Variants in COL21A1 observed in about 807,000 individuals in gnomAD.
The protein encoded by COL21A1 is collagen type XXI alpha 1 chain, also known as collagen alpha-1(XXI) chain.
COL21A1 carries 149 observed loss-of-function variants against 137.9 expected under a neutral mutation model. That is an observed-to-expected ratio of 1.08 (90% CI 0.95 to 1.24). COL21A1 has a LOEUF of 1.24. Among genes scored for constraint, COL21A1 ranks in the 50% most tolerant of loss-of-function variants. The pLI is 0.00. For missense variants in COL21A1, 1,167 were observed against 1,158.4 expected, an observed-to-expected ratio of 1.01 and a Z score of -0.11; for synonymous variants, 456 against 391.5, an observed-to-expected ratio of 1.16 and a Z score of -1.95.
Position 56,170,846 on chromosome 6 carries a change from G to T in COL21A1, c.829C>A (p.Leu277Ile). 1 of 1,609,974 alleles carries T rather than the reference G, an allele frequency of 6.2e-7. No homozygotes were observed. Among genetic ancestry groups the T allele is most frequent in the Non-Finnish European group, 8.5e-7 (1 of 1,177,818 alleles). Residue 277 changes from leucine to isoleucine, a missense_variant, in exon 5 of 30, where the codon CTT (leucine) becomes ATT (isoleucine). By Grantham distance (5) the Leu-to-Ile change is conservative. Coordinates refer to ENST00000244728, the MANE Select transcript of COL21A1 (RefSeq NM_030820.4). ...ELTSNVFPEG[L>I]PPSYVFVSTQ... ...GACACAAATACATATGATGGAGGAAGACCTTCTGGGAAAACATTGCTAGAA... is the reference window on the plus strand; with the variant it reads ...GACACAAATACATATGATGGAGGAATACCTTCTGGGAAAACATTGCTAGAA...
At chr6:56,169,028 C>T (rs749246041) in intron 5 of COL21A1, among the ~76,000 whole-genome samples, 3 of 151,962 alleles carry the variant, frequency 2.0e-5, no homozygotes, top group African/African-American at 7.2e-5. Context: ...TTCTTGACCC[C>T]ATTTCCCTAC....
chr6:56,378,067 G>A (rs1345505685), intron 1 of COL21A1, among the ~76,000 whole-genome samples: 2 of 152,112 alleles, frequency 1.3e-5, no homozygotes, highest in Non-Finnish European at 1.5e-5. Context: ...AACCAGCAGC[G>A]ATACCCAGGT....
intron 1 of COL21A1, among the ~76,000 whole-genome samples, chr6:56,288,036 C>T (rs995217823): frequency 4.6e-5 from 7 of 152,036 alleles, no homozygotes; most frequent in Non-Finnish European, 1.0e-4. Context: ...CAGTGAGACC[C>T]GTGAGTGAGT....
upstream of COL21A1, among the ~76,000 whole-genome samples, chr6:56,247,955 G>A (rs1005425934): frequency 2.6e-5 from 4 of 152,202 alleles, no homozygotes; most frequent in African/African-American, 9.7e-5. Context: ...CCCCCTCTGG[G>A]GCGCCAAGGT....
chr6:56,123,942 C>T (rs1298633717), intron 16 of COL21A1, 120 bp downstream of exon 16: 2 of 816,822 alleles, frequency 2.4e-6, no homozygotes, highest in South Asian at 4.0e-5. Context: ...CCTTTTAGCT[C>T]ATGAATTTTA....
chr6:56,162,864 C>T (rs559324966), intron 9 of COL21A1, among the ~76,000 whole-genome samples: 1 of 152,288 alleles, frequency 6.6e-6, no homozygotes, highest in East Asian at 1.9e-4. Context: ...TATGTCAAGG[C>T]ATCTAAAATA....
chr6:56,107,194 G>A (rs961638548), intron 16 of COL21A1, among the ~76,000 whole-genome samples: 1 of 152,070 alleles, frequency 6.6e-6, no homozygotes, highest in Non-Finnish European at 1.5e-5. Flanking sequence ...AGATGAGAAC[G>A]ATGATTAAAT....
At chr6:56,097,277 C>G (rs920760673) in intron 17 of COL21A1, among the ~76,000 whole-genome samples, 2 of 152,148 alleles carry the variant, frequency 1.3e-5, no homozygotes, top group African/African-American at 4.8e-5. Flanking sequence ...CACTCAGTAA[C>G]TCCCAGTTTT....
intron 12 of COL21A1, among the ~76,000 whole-genome samples, chr6:56,131,872 A>T (rs1459233872): frequency 6.6e-6 from 1 of 152,182 alleles, no homozygotes; most frequent in African/African-American, 2.4e-5. Context: ...TTGGAGACTT[A>T]ACATGAAAAC....
chr6:56,258,888 C>G (rs190216196), intron 1 of COL21A1, among the ~76,000 whole-genome samples: 17 of 152,186 alleles, frequency 1.1e-4, no homozygotes, highest in Admixed American at 9.8e-4. Flanking sequence ...AAAGAAAAAC[C>G]AGATCTGTAT....
intron 1 of COL21A1, among the ~76,000 whole-genome samples, chr6:56,375,954 A>C (rs1424319679): frequency 6.6e-6 from 1 of 152,228 alleles, no homozygotes; most frequent in Non-Finnish European, 1.5e-5. Flanking sequence ...TTAGTGCTTA[A>C]CATGTTGGAA....
intron 10 of COL21A1, among the ~76,000 whole-genome samples, chr6:56,150,858 A>G (rs1775263827): frequency 6.6e-6 from 1 of 152,192 alleles, no homozygotes; most frequent in Non-Finnish European, 1.5e-5. Context: ...ATGCTCAGCA[A>G]AGAGTAAAAC....
intron 1 of COL21A1, among the ~76,000 whole-genome samples, chr6:56,389,531 C>G (rs1045111205): frequency 2.0e-5 from 3 of 151,620 alleles, no homozygotes; most frequent in Non-Finnish European, 4.4e-5. Flanking sequence ...AAAAAAGTAA[C>G]AACACATAAC....
intron 1 of COL21A1, among the ~76,000 whole-genome samples, chr6:56,260,659 T>G (rs6459139): frequency 0.3 from 22,258 of 74,882 alleles, 3,150 homozygotes; most frequent in East Asian, 0.41. Flanking sequence ...AAGGAAGGAA[T>G]GAAGGAAGGA....
rs781781734 is a variant in COL21A1 at position 56,170,880 on chromosome 6, G to A, written c.810-15C>T. ...GGAAAACATTGCTAGAAAAAGAAGA[G>A]CAAGTGTAAGCTTAAAGAATTCTTG... On this transcript the variant is annotated splice_polypyrimidine_tract_variant and intron_variant, in intron 4 of 29. Transcript: ENST00000244728. 7 of 1,603,406 alleles carry A rather than the reference G, an allele frequency of 4.4e-6. No individual in the cohort carries two copies. In the Admixed American group the frequency reaches 5.1e-5, roughly 12 times the overall value.
intron 10 of COL21A1, among the ~76,000 whole-genome samples, chr6:56,145,317 T>C (rs543719838): frequency 4.3e-4 from 66 of 152,340 alleles, no homozygotes; most frequent in African/African-American, 1.5e-3. Context: ...TACAATTAGA[T>C]GCATTCTTAA....
chr6:56,245,322 T>TA (rs1307513142), intron 1 of COL21A1, among the ~76,000 whole-genome samples: 3 of 152,164 alleles, frequency 2.0e-5, no homozygotes, highest in East Asian at 1.9e-4. Context: ...CACAGTGACT[T>TA]AAAAAAACCT....
intron 23 of COL21A1, among the ~76,000 whole-genome samples, chr6:56,066,237 T>TA (rs1465068252): frequency 3.3e-5 from 5 of 151,968 alleles, no homozygotes; most frequent in Admixed American, 3.3e-4. Context: ...AGATTTTCGA[T>TA]AAAAATTGTC....
intron 1 of COL21A1, among the ~76,000 whole-genome samples, chr6:56,309,376 C>T (rs375649235): frequency 6.6e-6 from 1 of 152,118 alleles, no homozygotes. Context: ...TTTTTGCAGG[C>T]TGAGGTCTTC....
Sources: gnomAD v4.1 joint callset for allele counts (sites outside exome capture counted in the v4.1 genomes callset) on GRCh38, gnomAD v4.1.1 for gene constraint, MANE v1.5 for transcripts, NCBI Gene and HGNC (gene_info 2026-07-23, HGNC 2026-07-21) for gene names.